FSTL5: variants seen among roughly 807,000 people sequenced by gnomAD.
The protein encoded by FSTL5 is follistatin-related protein 5.
A neutral mutation model predicts 89.1 loss-of-function variants in FSTL5; 62 were observed. The observed-to-expected ratio is 0.70, with a 90% CI of 0.57 to 0.86. FSTL5 has a LOEUF of 0.86. FSTL5 is among the 40% of genes least tolerant of loss of function. The pLI is 0.00. For synonymous variants in FSTL5, 383 were observed against 346.2 expected (o/e 1.11, Z -1.18); for missense variants, 1,057 against 1,001.6 (o/e 1.06, Z -0.75).
chr4:162,140,793 C>G (rs1174905444), intron 1 of FSTL5, among the ~76,000 whole-genome samples: 1 of 152,088 alleles, frequency 6.6e-6, no homozygotes, highest in Non-Finnish European at 1.5e-5. Flanking sequence ...GACATGTATT[C>G]TGATGTTAAC....
At chr4:161,499,880 A>G (rs1730235529) in intron 12 of FSTL5, 136 bp downstream of exon 12, 1 of 626,630 alleles carries the variant, frequency 1.6e-6, no homozygotes, top group Non-Finnish European at 2.8e-6. Flanking sequence ...AAAGAATAAC[A>G]CCGAATATCA....
chr4:161,669,733 T>C (rs1210200632), intron 6 of FSTL5, among the ~76,000 whole-genome samples: 1 of 152,138 alleles, frequency 6.6e-6, no homozygotes, highest in East Asian at 1.9e-4. Context: ...GGTTTGGTGA[T>C]GACCATATTT....
intron 10 of FSTL5, among the ~76,000 whole-genome samples, chr4:161,523,617 A>G (rs1327799158): frequency 4.6e-5 from 7 of 152,340 alleles, no homozygotes; most frequent in East Asian, 1.9e-4. Context: ...TTATTATCCA[A>G]TACACGGATA....
At chr4:161,624,662 C>A (rs1462138725) in intron 7 of FSTL5, among the ~76,000 whole-genome samples, 2 of 151,642 alleles carry the variant, frequency 1.3e-5, no homozygotes, top group Non-Finnish European at 2.9e-5. Context: ...AAATAGAAAA[C>A]CTTATACTGT....
chr4:161,892,546 T>C (rs920622567), intron 4 of FSTL5, among the ~76,000 whole-genome samples: 2 of 152,082 alleles, frequency 1.3e-5, no homozygotes, highest in Non-Finnish European at 2.9e-5. Context: ...TAGAAGTCTA[T>C]AGGTTCAAAT....
chr4:162,130,939 T>G (rs1343648707), intron 1 of FSTL5, among the ~76,000 whole-genome samples: 1 of 152,124 alleles, frequency 6.6e-6, no homozygotes, highest in African/African-American at 2.4e-5. Context: ...TTGAACATAT[T>G]AGATATGTGA....
chr4:161,845,848 C>T (rs1185807996), intron 4 of FSTL5, among the ~76,000 whole-genome samples: 1 of 152,018 alleles, frequency 6.6e-6, no homozygotes, highest in African/African-American at 2.4e-5. Flanking sequence ...GAGTTCGAGA[C>T]CAGCCTGGCC....
At chr4:161,624,678 A>G (rs562830892) in intron 7 of FSTL5, among the ~76,000 whole-genome samples, 1 of 151,410 alleles carries the variant, frequency 6.6e-6, no homozygotes, top group African/African-American at 2.4e-5. Context: ...ACTGTTTGAG[A>G]AAAAAAAATA....
chr4:161,395,933 T>A (rs1578941254), intron 15 of FSTL5, among the ~76,000 whole-genome samples: 1 of 152,022 alleles, frequency 6.6e-6, no homozygotes, highest in African/African-American at 2.4e-5. Context: ...CTCCAATTAA[T>A]CCTACCTGCC....
intron 4 of FSTL5, among the ~76,000 whole-genome samples, chr4:161,890,094 T>C (rs1208280052): frequency 6.6e-6 from 1 of 152,212 alleles, no homozygotes; most frequent in African/African-American, 2.4e-5. Context: ...TCTTTATTTT[T>C]ATTCCTCTTT....
intron 3 of FSTL5, among the ~76,000 whole-genome samples, chr4:161,934,583 G>A (rs1045224539): frequency 6.6e-6 from 1 of 151,952 alleles, no homozygotes; most frequent in African/African-American, 2.4e-5. Context: ...GGTTCCATCA[G>A]TAACTAGCTG....
At chr4:162,070,987 T>C (rs1002156708) in intron 2 of FSTL5, among the ~76,000 whole-genome samples, 1 of 151,576 alleles carries the variant, frequency 6.6e-6, no homozygotes, top group Non-Finnish European at 1.5e-5. Flanking sequence ...ATAAAGCTGT[T>C]ACACAAATGA....
intron 4 of FSTL5, among the ~76,000 whole-genome samples, chr4:161,905,701 A>C (rs1307933206): frequency 6.6e-6 from 1 of 152,180 alleles, no homozygotes; most frequent in Non-Finnish European, 1.5e-5. Flanking sequence ...ACTGCTTGAC[A>C]GAAGACACTG....
chr4:161,740,806 C>T (rs1739999679), intron 6 of FSTL5, among the ~76,000 whole-genome samples: 1 of 152,164 alleles, frequency 6.6e-6, no homozygotes. Context: ...GCGGTAACAA[C>T]ACACCATAAA....
At chr4:162,016,051 A>G (rs1736909039) in intron 3 of FSTL5, among the ~76,000 whole-genome samples, 1 of 152,180 alleles carries the variant, frequency 6.6e-6, no homozygotes, top group Non-Finnish European at 1.5e-5. Flanking sequence ...ATACCCTGCC[A>G]TAATTAACCT....
intron 11 of FSTL5, among the ~76,000 whole-genome samples, chr4:161,508,141 C>T (rs1490279501): frequency 6.6e-6 from 1 of 151,896 alleles, no homozygotes; most frequent in Non-Finnish European, 1.5e-5. Context: ...AATACTTATA[C>T]CCAATGATGG....
At chr4:161,869,560 T>C (rs965870140) in intron 4 of FSTL5, among the ~76,000 whole-genome samples, 4 of 152,224 alleles carry the variant, frequency 2.6e-5, no homozygotes, top group African/African-American at 9.6e-5. Context: ...TTTTGCCCTC[T>C]AGAGAAAATT....
intron 1 of FSTL5, among the ~76,000 whole-genome samples, chr4:162,153,213 T>C (rs1733299968): frequency 6.6e-6 from 1 of 152,236 alleles, no homozygotes; most frequent in Admixed American, 6.5e-5. Flanking sequence ...TAATGTCATG[T>C]CTTCTCAGTT....
At chr4:161,982,957 A>G (rs561797310) in intron 3 of FSTL5, among the ~76,000 whole-genome samples, 50 of 152,296 alleles carry the variant, frequency 3.3e-4, no homozygotes, top group Non-Finnish European at 7.1e-4. Flanking sequence ...AACTTCTACA[A>G]TATTATCATA....
Sources: allele counts gnomAD v4.1 joint callset (sites outside exome capture counted in the v4.1 genomes callset), GRCh38; gene constraint gnomAD v4.1.1; transcripts MANE v1.5; gene names NCBI Gene and HGNC (gene_info 2026-07-23, HGNC 2026-07-21).